RERG: variants seen among roughly 807,000 people sequenced by gnomAD.
RERG encodes ras-related and estrogen-regulated growth inhibitor.
Under a neutral mutation model 23.2 loss-of-function variants are expected in RERG, and 25 were observed. The ratio of observed to expected loss-of-function variants is 1.08; its 90% CI spans 0.79 to 1.50. RERG has a LOEUF of 1.50. RERG is among the 40% of genes most tolerant of loss of function. The pLI is 0.00. For synonymous variants in RERG, 81 were observed against 89.1 expected, an observed-to-expected ratio of 0.91 and a Z score of 0.51; for missense variants, 253 against 250.1, an observed-to-expected ratio of 1.01 and a Z score of -0.08.
At chr12:15,119,766 A>C (rs995802577) in intron 3 of RERG, among the ~76,000 whole-genome samples, 1 of 152,208 alleles carries the variant, frequency 6.6e-6, no homozygotes, top group African/African-American at 2.4e-5. Flanking sequence ...AAAAGGTGGA[A>C]TAACATAAAG....
chr12:15,140,742 T>C (rs1864224545), intron 2 of RERG, among the ~76,000 whole-genome samples: 1 of 152,162 alleles, frequency 6.6e-6, no homozygotes, highest in African/African-American at 2.4e-5. Flanking sequence ...CTCTTCTTGC[T>C]TGGGTTCTGA....
At position 15,109,336 on chromosome 12, in the gene RERG, G is replaced by A. The variant is rs1863558847; in HGVS notation, c.374C>T (p.Ser125Phe). ...LVGNKADLDHSRQVSTEEGEK... is the reference protein window; with the variant it reads ...LVGNKADLDHFRQVSTEEGEK... ...TCCTTCTTCTGTGCTAACCTGCCTG[G>A]AGTGGTCCAAGTCAGCTTTGTTTCC... Residue 125 changes from serine (S) to phenylalanine (F), a missense_variant, in exon 5 of 5, where the codon TCC becomes TTC. Transcript: ENST00000256953. 1 of 1,614,116 alleles carries A rather than the reference G, an allele frequency of 6.2e-7. No individual in the cohort carries two copies. The highest frequency in any genetic ancestry group is 8.5e-7 in the Non-Finnish European group (1 of 1,180,030).
At chr12:15,175,385 G>GTGTGTC (rs1414157742) in intron 2 of RERG, among the ~76,000 whole-genome samples, 2 of 140,004 alleles carry the variant, frequency 1.4e-5, no homozygotes, top group Non-Finnish European at 3.1e-5. Flanking sequence ...GTGTGTGTGT[G>GTGTGTC]TGTTGGGGCA....
chr12:15,180,865 GA>G (rs1309278745), intron 2 of RERG, among the ~76,000 whole-genome samples: 3 of 152,170 alleles, frequency 2.0e-5, no homozygotes, highest in African/African-American at 7.2e-5. Flanking sequence ...TGGGGAGTAA[GA>G]CCACACAGCC....
chr12:15,168,197 G>T (rs547588252), intron 2 of RERG, among the ~76,000 whole-genome samples: 5 of 152,266 alleles, frequency 3.3e-5, no homozygotes, highest in South Asian at 2.1e-4. Flanking sequence ...CAGTATTAAT[G>T]ATTTGGATGT....
Position 15,121,085 on chromosome 12 carries a change from G to C in RERG, c.96C>G (p.Ile32Met). Reference protein sequence around the residue: ...LVVRFLTKRFIWEYDPTLEST... With the variant: ...LVVRFLTKRFMWEYDPTLEST... ...TACCGAGGGTGGGATCATATTCCCAGATGAACCGTTTGGTCAGAAATCTCA... is the reference window on the plus strand; with the variant it reads ...TACCGAGGGTGGGATCATATTCCCACATGAACCGTTTGGTCAGAAATCTCA... Residue 32 changes from isoleucine (I) to methionine (M), a missense_variant, in exon 3 of 5, where the codon ATC becomes ATG. By Grantham distance (10) the Ile-to-Met change is conservative. Transcript: ENST00000256953. The C allele has an allele frequency of 1.9e-6, 3 of 1,613,366 alleles. No homozygotes were observed. Among genetic ancestry groups the C allele is most frequent in the Non-Finnish European group, 2.5e-6 (3 of 1,179,440 alleles).
chr12:15,113,109 T>C (rs1565505086), intron 3 of RERG, among the ~76,000 whole-genome samples: 1 of 152,200 alleles, frequency 6.6e-6, no homozygotes, highest in African/African-American at 2.4e-5. Flanking sequence ...ATTACAATTC[T>C]AGATGATTCT....
chr12:15,129,941 A>G (rs1299052688), intron 2 of RERG, among the ~76,000 whole-genome samples: 2 of 152,180 alleles, frequency 1.3e-5, no homozygotes, highest in African/African-American at 4.8e-5. Flanking sequence ...GATTAGTGCA[A>G]AGACTCCACA....
chr12:15,135,122 G>T (rs1323278543), intron 2 of RERG, among the ~76,000 whole-genome samples: 1 of 152,050 alleles, frequency 6.6e-6, no homozygotes, highest in Admixed American at 6.6e-5. Context: ...CCCCATAGAG[G>T]TCTTGCACAT....
At chr12:15,212,073 G>C (rs1865374868) in intron 2 of RERG, among the ~76,000 whole-genome samples, 1 of 53,090 alleles carries the variant, frequency 1.9e-5, no homozygotes, top group African/African-American at 6.1e-5. Context: ...TTTTTTTTGA[G>C]ACGGAGTCTC....
chr12:15,167,967 C>T (rs1030432054), intron 2 of RERG, among the ~76,000 whole-genome samples: 1 of 152,130 alleles, frequency 6.6e-6, no homozygotes, highest in Non-Finnish European at 1.5e-5. Flanking sequence ...AAGGTAATGT[C>T]AACTGTACAC....
chr12:15,129,513 A>G (rs1414298125), intron 2 of RERG, among the ~76,000 whole-genome samples: 2 of 152,242 alleles, frequency 1.3e-5, no homozygotes, highest in East Asian at 3.8e-4. Flanking sequence ...TTTATTGACC[A>G]CTGTGCAAAG....
intron 2 of RERG, chr12:15,138,012 G>C: frequency 3.0e-6 from 1 of 328,726 alleles, no homozygotes; most frequent in Non-Finnish European, 6.0e-6. Context: ...CTTCACTTTT[G>C]AAGAGTAATT....
chr12:15,110,299 A>G (rs1455210914), intron 4 of RERG, among the ~76,000 whole-genome samples: 1 of 152,034 alleles, frequency 6.6e-6, no homozygotes, highest in Non-Finnish European at 1.5e-5. Context: ...AGGTCAGAGA[A>G]TAAGTAGGTG....
chr12:15,193,502 G>T (rs1865101123), intron 2 of RERG, among the ~76,000 whole-genome samples: 1 of 152,020 alleles, frequency 6.6e-6, no homozygotes, highest in African/African-American at 2.4e-5. Flanking sequence ...AACTCCATCT[G>T]CCTTCTATTG....
At chr12:15,123,099 A>G (rs552518165) in intron 2 of RERG, among the ~76,000 whole-genome samples, 33 of 152,220 alleles carry the variant, frequency 2.2e-4, no homozygotes, top group African/African-American at 7.7e-4. Flanking sequence ...GCCCGGCCAG[A>G]CTATGTAGTT....
chr12:15,214,603 T>C (rs561773329), intron 2 of RERG, among the ~76,000 whole-genome samples: 3 of 152,312 alleles, frequency 2.0e-5, no homozygotes, highest in Admixed American at 2.0e-4. Flanking sequence ...TGTGATACAA[T>C]GATGAGGCAG....
chr12:15,200,797 T>G (rs1036834570), intron 2 of RERG, among the ~76,000 whole-genome samples: 4 of 152,020 alleles, frequency 2.6e-5, no homozygotes, highest in African/African-American at 9.7e-5. Flanking sequence ...AGGACTTTTG[T>G]GTTTTTAAAA....
intron 2 of RERG, among the ~76,000 whole-genome samples, chr12:15,215,460 T>C (rs1865427959): frequency 6.6e-6 from 1 of 151,894 alleles, no homozygotes; most frequent in Admixed American, 6.6e-5. Context: ...AAGGAAGGAA[T>C]TTCAGGAAAG....
Sources: gnomAD v4.1 joint callset for allele counts (sites outside exome capture counted in the v4.1 genomes callset) on GRCh38, gnomAD v4.1.1 for gene constraint, MANE v1.5 for transcripts, NCBI Gene and HGNC (gene_info 2026-07-23, HGNC 2026-07-21) for gene names.